The following RALGPS2 variants were observed in gnomAD, a reference collection of about 807,000 sequenced individuals.
The protein encoded by RALGPS2 is Ral GEF with PH domain and SH3 binding motif 2, also known as ras-specific guanine nucleotide-releasing factor RalGPS2.
Under a neutral mutation model 86.8 loss-of-function variants are expected in RALGPS2, and 43 were observed. That is an observed-to-expected ratio of 0.50 (90% CI 0.39 to 0.64). The LOEUF (loss-of-function observed/expected upper bound fraction) is 0.64, where lower values mean the gene tolerates loss of function less well. Ranked by LOEUF, RALGPS2 falls within the 30% of genes least tolerant of loss-of-function variation. The pLI, the probability that RALGPS2 is intolerant of heterozygous loss-of-function variation, is 0.00. For synonymous variants in RALGPS2, 243 were observed against 231.3 expected (o/e 1.05, Z -0.46); for missense variants, 536 against 694.6 (o/e 0.77, Z 2.57).
chr1:178,770,528 T>C (rs1372902666), intron 1 of RALGPS2, among the ~76,000 whole-genome samples: 1 of 143,846 alleles, frequency 7.0e-6, no homozygotes, highest in Non-Finnish European at 1.5e-5. Context: ...TTTTTTTTTC[T>C]GAGACAGTCT....
chr1:178,788,570 G>A (rs1558120004), intron 4 of RALGPS2, among the ~76,000 whole-genome samples: 1 of 152,186 alleles, frequency 6.6e-6, no homozygotes, highest in Non-Finnish European at 1.5e-5. Context: ...AGCCATATGA[G>A]TGTTTGGGGA....
chr1:178,763,564 C>T (rs900498492), intron 1 of RALGPS2, among the ~76,000 whole-genome samples: 1 of 152,172 alleles, frequency 6.6e-6, no homozygotes, highest in Non-Finnish European at 1.5e-5. Flanking sequence ...TAGTAAACCT[C>T]TCTAGTTAGC....
intron 4 of RALGPS2, among the ~76,000 whole-genome samples, chr1:178,806,776 T>C (rs1477748192): frequency 3.3e-5 from 5 of 152,188 alleles, no homozygotes; most frequent in Non-Finnish European, 7.4e-5. Context: ...ACTCGTTCTC[T>C]GCCCTAACTC....
At chr1:178,818,741 T>C (rs1655354729) in intron 6 of RALGPS2, among the ~76,000 whole-genome samples, 1 of 152,222 alleles carries the variant, frequency 6.6e-6, no homozygotes, top group Non-Finnish European at 1.5e-5. Flanking sequence ...TTGCCTAGCC[T>C]TGTAGAGATT....
rs1653613656 is a variant in RALGPS2 at position 178,785,636 on chromosome 1, A to G, written c.213+29A>G. The G allele has an allele frequency of 1.9e-6, 3 of 1,545,212 alleles. No homozygotes were observed. In the South Asian group the frequency reaches 3.8e-5, roughly 19 times the overall value. On this transcript the variant is annotated intron_variant, in intron 4 of 19. Transcript: ENST00000367635. ...AGTAGTTTTGAGAATGTTCCTTTTA[A>G]ATATAGAAAACGATCAATCTCAAAT...
intron 8 of RALGPS2, among the ~76,000 whole-genome samples, chr1:178,859,779 G>C (rs1162961988): frequency 8.4e-5 from 9 of 106,836 alleles, no homozygotes; most frequent in Admixed American, 1.1e-4. Flanking sequence ...CTCACTGCAA[G>C]CTCTGCCTCC....
At chr1:178,765,810 T>C (rs1652476370) in intron 1 of RALGPS2, among the ~76,000 whole-genome samples, 1 of 152,180 alleles carries the variant, frequency 6.6e-6, no homozygotes, top group Non-Finnish European at 1.5e-5. Context: ...GAAAAAGAAT[T>C]CAGCGATACT....
chr1:178,865,197 T>G (rs1416694570), intron 8 of RALGPS2: 7 of 1,613,462 alleles, frequency 4.3e-6, no homozygotes, highest in Non-Finnish European at 5.9e-6. Flanking sequence ...TCCAACAAAG[T>G]GATCATCACA....
intron 1 of RALGPS2, among the ~76,000 whole-genome samples, chr1:178,736,161 GGTT>G (rs937847082): frequency 6.6e-5 from 10 of 150,516 alleles, no homozygotes; most frequent in Non-Finnish European, 1.0e-4. Flanking sequence ...TTAATTTGTG[GGTT>G]GTTTTTTTTT....
At position 178,784,443 on chromosome 1, in the gene RALGPS2, G is replaced by A. The variant is rs529516438; in HGVS notation, c.83G>A (p.Ser28Asn). Residue 28 changes from serine to asparagine, a missense_variant, in exon 3 of 20, where the codon AGT (serine) becomes AAT (asparagine). This residue lies in a region of RALGPS2 where 43 missense variants were observed against 34.9 expected (regional missense o/e 1.23). Coordinates refer to ENST00000367635, the MANE Select transcript of RALGPS2 (RefSeq NM_152663.5). ...AAAAGTAGCAGCTCTGAATCCTTAA[G>A]TGACAAAGGCTCTGAATTGAAGAAA... ...SEKSSSSESL[S>N]DKGSELKKSF... is the part of the protein sequence containing the mutation. The A allele has an allele frequency of 2.5e-6, 4 of 1,604,732 alleles. No individual in the cohort carries two copies. The South Asian group carries it at 3.4e-5, about 13-fold the overall frequency.
chr1:178,794,329 G>T (rs1654093009), intron 4 of RALGPS2, among the ~76,000 whole-genome samples: 1 of 152,104 alleles, frequency 6.6e-6, no homozygotes, highest in African/African-American at 2.4e-5. Flanking sequence ...TGTTGGCCAG[G>T]CTGGGCTCAA....
In RALGPS2 at chr1:178,917,681, A is replaced by G. The variant is rs1195243487; in HGVS notation, c.*1322A>G. 5 of 152,178 alleles carry G rather than the reference A, an allele frequency of 3.3e-5. No individual in the cohort carries two copies. Among genetic ancestry groups the G allele is most frequent in the Non-Finnish European group, 5.9e-5 (4 of 68,014 alleles). 9.4% of individuals were successfully genotyped at this position (152,178 alleles called of 1,614,324 possible). On this transcript the variant is annotated 3_prime_UTR_variant, in exon 20 of 20. Transcript: ENST00000367635. ...AGTTTTATGAGAACTCTTCTATGCA[A>G]TGATGCATTTAATTTCTAAAGTAAA... is the stretch of plus-strand genomic sequence containing the variant.
chr1:178,813,894 G>A (rs1420915271), intron 6 of RALGPS2, among the ~76,000 whole-genome samples: 1 of 152,006 alleles, frequency 6.6e-6, no homozygotes, highest in African/African-American at 2.4e-5. Context: ...CCTAGATTAG[G>A]GTTCGATTAA....
chr1:178,831,719 AGAAG>A lies in RALGPS2; in HGVS notation c.481-1704_481-1701del, dbSNP rs2102245659. On this transcript the variant is annotated intron_variant, in intron 7 of 19. Transcript: ENST00000367635. The stretch of plus-strand genomic sequence containing the variant: ...ATAAATATCAAAAGAAGATTTGAAA[AGAAG>A]AAAGAAAAGGCTTCTCAGTTAATAG... Among the ~76,000 whole-genome samples the A allele has an allele frequency of 2.0e-5, 3 of 151,922 alleles. No homozygotes were observed. The South Asian group carries it at 6.3e-4, about 32-fold the overall frequency.
At chr1:178,796,973 A>G (rs1027830838) in intron 4 of RALGPS2, among the ~76,000 whole-genome samples, 1 of 152,218 alleles carries the variant, frequency 6.6e-6, no homozygotes, top group Admixed American at 6.5e-5. Flanking sequence ...TAAAATTGCA[A>G]GTTAAATCCA....
chr1:178,833,658 ATTACT>A, intron 8 of RALGPS2, 108 bp downstream of exon 8: 3 of 1,434,510 alleles, frequency 2.1e-6, no homozygotes, highest in Non-Finnish European at 2.7e-6. Context: ...TTTTAAATAA[ATTACT>A]TCAAGATTGG....
At chr1:178,863,591 A>T (rs1378771309) in intron 8 of RALGPS2, among the ~76,000 whole-genome samples, 1 of 152,196 alleles carries the variant, frequency 6.6e-6, no homozygotes, top group African/African-American at 2.4e-5. Flanking sequence ...AAGCAGTAGC[A>T]TGTGAGGTAA....
At chr1:178,798,678 T>C (rs1055782018) in intron 4 of RALGPS2, among the ~76,000 whole-genome samples, 1 of 152,140 alleles carries the variant, frequency 6.6e-6, no homozygotes, top group Non-Finnish European at 1.5e-5. Flanking sequence ...TCACTTTTCA[T>C]ACACCAGCAG....
At chr1:178,897,389 G>A (rs1234066750) in intron 16 of RALGPS2, among the ~76,000 whole-genome samples, 1 of 152,070 alleles carries the variant, frequency 6.6e-6, no homozygotes, top group Admixed American at 6.6e-5. Context: ...GGAATCTAGG[G>A]CATAAAAAGA....
Sources: gnomAD v4.1 joint callset for allele counts (sites outside exome capture counted in the v4.1 genomes callset) on GRCh38, gnomAD v4.1.1 for gene constraint, gnomAD v4.1.1 regional missense constraint, MANE v1.5 for transcripts, NCBI Gene and HGNC (gene_info 2026-07-23, HGNC 2026-07-21) for gene names.